Variants in PARD3B observed in about 807,000 individuals in gnomAD.
PARD3B encodes par-3 family cell polarity regulator beta, also known as partitioning defective 3 homolog B.
A neutral mutation model predicts 130.2 loss-of-function variants in PARD3B; 103 were observed. That is an observed-to-expected ratio of 0.79 (90% confidence interval 0.67 to 0.93). The LOEUF (loss-of-function observed/expected upper bound fraction) is 0.93. PARD3B is among the 40% of genes least tolerant of loss of function. The pLI is 0.00. For missense variants in PARD3B, 1,609 were observed against 1,499.2 expected (o/e 1.07, Z -1.21); for synonymous variants, 583 against 553.2 (o/e 1.05, Z -0.76).
At chr2:204,966,955 G>A (rs929801296) in intron 3 of PARD3B, among the ~76,000 whole-genome samples, 7 of 152,182 alleles carry the variant, frequency 4.6e-5, no homozygotes, top group Admixed American at 2.6e-4. Flanking sequence ...GTACAGAGAA[G>A]TTTAGTAACT....
At chr2:204,990,990 G>A (rs1693623148) in intron 3 of PARD3B, among the ~76,000 whole-genome samples, 1 of 151,932 alleles carries the variant, frequency 6.6e-6, no homozygotes. Context: ...GGAACACACA[G>A]CTATTATAAT....
At chr2:205,185,656 G>C (rs969226778) in intron 13 of PARD3B, 108 bp from the exon 14 acceptor site, 26 of 796,730 alleles carry the variant, frequency 3.3e-5, no homozygotes, top group Non-Finnish European at 5.5e-5. Context: ...TTTCAGGGCT[G>C]GTTTATGTGT....
intron 15 of PARD3B, among the ~76,000 whole-genome samples, chr2:205,226,931 A>G (rs1296581316): frequency 6.6e-6 from 1 of 152,136 alleles, no homozygotes; most frequent in Non-Finnish European, 1.5e-5. Flanking sequence ...TAATTGATCC[A>G]CTGGTCATTC....
At chr2:204,793,659 C>G (rs1016903790) in intron 2 of PARD3B, among the ~76,000 whole-genome samples, 2 of 152,164 alleles carry the variant, frequency 1.3e-5, no homozygotes, top group Middle Eastern at 3.4e-3. Flanking sequence ...AGGTGCCCAC[C>G]ACCAAGCCTG....
chr2:205,170,451 C>T (rs968649611), intron 11 of PARD3B, among the ~76,000 whole-genome samples: 1 of 152,204 alleles, frequency 6.6e-6, no homozygotes, highest in African/African-American at 2.4e-5. Flanking sequence ...ACATCTCTGA[C>T]TTGACGCCTT....
At chr2:204,848,083 A>G (rs1371498011) in intron 2 of PARD3B, among the ~76,000 whole-genome samples, 1 of 152,208 alleles carries the variant, frequency 6.6e-6, no homozygotes, top group Non-Finnish European at 1.5e-5. Context: ...AAGTTTTATT[A>G]CAGTGTATTG....
intron 3 of PARD3B, among the ~76,000 whole-genome samples, chr2:204,995,279 G>A (rs1327081898): frequency 6.6e-6 from 1 of 151,604 alleles, no homozygotes; most frequent in Non-Finnish European, 1.5e-5. Flanking sequence ...AGGCCTTGTG[G>A]TGACAAAATC....
At chr2:205,014,016 C>T (rs1342497083) in intron 3 of PARD3B, among the ~76,000 whole-genome samples, 1 of 152,162 alleles carries the variant, frequency 6.6e-6, no homozygotes, top group Non-Finnish European at 1.5e-5. Context: ...CGACAGCCCA[C>T]CTGCCAGCTC....
At chr2:205,381,877 T>C (rs2045461779) in intron 18 of PARD3B, among the ~76,000 whole-genome samples, 1 of 152,070 alleles carries the variant, frequency 6.6e-6, no homozygotes, top group South Asian at 2.1e-4. Context: ...CAGAAATAAC[T>C]ATGCATTTCC....
At chr2:205,472,969 A>G (rs964377906) in intron 20 of PARD3B, among the ~76,000 whole-genome samples, 7 of 151,966 alleles carry the variant, frequency 4.6e-5, no homozygotes, top group Admixed American at 1.3e-4. Flanking sequence ...GAATAAATGA[A>G]TGAATGAATG....
At chr2:205,361,294 G>A (rs956055174) in intron 18 of PARD3B, among the ~76,000 whole-genome samples, 1 of 152,310 alleles carries the variant, frequency 6.6e-6, no homozygotes, top group South Asian at 2.1e-4. Context: ...AATCGGAGAA[G>A]ATGGTAGATG....
chr2:205,417,770 A>G (rs849260), intron 19 of PARD3B, among the ~76,000 whole-genome samples: 149,018 of 152,286 alleles, frequency 0.98, 72,947 homozygotes, highest in East Asian at 1. Flanking sequence ...ACTGAAACAC[A>G]GAAATTTTTC....
chr2:205,325,283 A>G lies in PARD3B; in HGVS notation c.2630+23582A>G, dbSNP rs2042900155. On this transcript the variant is annotated intron_variant, in intron 18 of 22. Transcript: ENST00000406610. The surrounding 1 kb of genome is among the most constrained non-coding windows in gnomAD (Gnocchi z 4.1). ...CCTTTATACTTTTATGCTGCCATAG[A>G]TAAGTACATAAAATTATCATAATGT... 6.6e-6 allele frequency among the ~76,000 whole-genome samples: 1 copy of G among 152,176 alleles called. No individual in the cohort carries two copies. The highest frequency in any genetic ancestry group is 1.5e-5 in the Non-Finnish European group (1 of 68,040).
chr2:205,541,167 C>T (rs5018876), intron 21 of PARD3B, among the ~76,000 whole-genome samples: 3,591 of 152,138 alleles, frequency 0.024, 133 homozygotes, highest in African/African-American at 0.08. Flanking sequence ...AAATTTAGGA[C>T]AGGAATTACC....
At chr2:205,305,445 G>C (rs548640723) in intron 18 of PARD3B, among the ~76,000 whole-genome samples, 1 of 152,188 alleles carries the variant, frequency 6.6e-6, no homozygotes, top group Admixed American at 6.5e-5. Context: ...CATTCGTCCT[G>C]ATGGCCTCTG....
At chr2:204,856,699 G>T (rs2044954851) in intron 2 of PARD3B, among the ~76,000 whole-genome samples, 1 of 151,964 alleles carries the variant, frequency 6.6e-6, no homozygotes, top group African/African-American at 2.4e-5. Flanking sequence ...ATTCTTTTGA[G>T]TAAATTTTTG....
rs756229232 is a variant in PARD3B, at chr2:205,440,595, G to C, written c.2967G>C (p.Leu989=). 1 of 1,613,992 alleles carries C rather than the reference G, an allele frequency of 6.2e-7. No individual in the cohort carries two copies. Among genetic ancestry groups the C allele is most frequent in the South Asian group, 1.1e-5 (1 of 91,078 alleles). The part of the protein sequence containing the change: ...PFGYPRDGHP[L]SPERDHLEGL... Reference sequence around the variant, plus strand: ...GTTACCCTCGGGATGGCCATCCACTGTCTCCAGAAAGAGACCACTTAGAGG... The same window carrying C: ...GTTACCCTCGGGATGGCCATCCACTCTCTCCAGAAAGAGACCACTTAGAGG... The change falls in exon 20 of 23, where the codon CTG becomes CTC. Residue 989 remains leucine (L), a synonymous_variant. Coordinates refer to ENST00000406610, the MANE Select transcript of PARD3B (RefSeq NM_001302769.2). The surrounding 1 kb of genome is among the most constrained non-coding windows in gnomAD (Gnocchi z 4.2).
intron 1 of PARD3B, among the ~76,000 whole-genome samples, chr2:204,634,770 T>G (rs965333125): frequency 6.6e-6 from 1 of 152,194 alleles, no homozygotes; most frequent in Non-Finnish European, 1.5e-5. Flanking sequence ...CATAATATAG[T>G]TTTTTTCCCC....
chr2:205,025,225 TAGTC>T (rs1313701266), intron 3 of PARD3B, among the ~76,000 whole-genome samples: 8 of 152,166 alleles, frequency 5.3e-5, no homozygotes, highest in Non-Finnish European at 1.0e-4. Context: ...TCACGGCTAT[TAGTC>T]AGGAGTTTCT....
Sources: gnomAD v4.1 joint callset for allele counts (sites outside exome capture counted in the v4.1 genomes callset) on GRCh38, gnomAD v4.1.1 for gene constraint, Gnocchi (gnomAD v3.1) non-coding constraint, MANE v1.5 for transcripts, NCBI Gene and HGNC (gene_info 2026-07-23, HGNC 2026-07-21) for gene names.